Variants in EXOC4 observed in about 807,000 individuals in gnomAD.
The protein encoded by EXOC4 is SEC8-like 1.
In EXOC4, 71 loss-of-function variants were observed where a neutral mutation model predicts 107.2. The ratio of observed to expected loss-of-function variants is 0.66; its 90% confidence interval spans 0.55 to 0.81. The LOEUF (loss-of-function observed/expected upper bound fraction) is 0.81, where lower values mean the gene tolerates loss of function less well. Ranked by LOEUF, EXOC4 falls within the 30% of genes least tolerant of loss-of-function variation. The pLI is 0.00. For missense variants in EXOC4, 1,108 were observed against 1,189.6 expected, an observed-to-expected ratio of 0.93 and a Z score of 1.01; for synonymous variants, 456 against 441.2, an observed-to-expected ratio of 1.03 and a Z score of -0.42.
At chr7:133,854,745 C>T (rs1240844304) in intron 11 of EXOC4, among the ~76,000 whole-genome samples, 1 of 150,790 alleles carries the variant, frequency 6.6e-6, no homozygotes, top group Non-Finnish European at 1.5e-5. Flanking sequence ...AATAGTCCCT[C>T]TTAGCCATTT....
At chr7:133,962,661 C>T (rs1462976091) in intron 14 of EXOC4, among the ~76,000 whole-genome samples, 1 of 152,162 alleles carries the variant, frequency 6.6e-6, no homozygotes, top group African/African-American at 2.4e-5. Context: ...GCAAGTTAAA[C>T]AGATTTAAAT....
intron 4 of EXOC4, among the ~76,000 whole-genome samples, chr7:133,316,106 T>C (rs916158489): frequency 5.9e-5 from 9 of 152,234 alleles, no homozygotes; most frequent in African/African-American, 2.2e-4. Context: ...GAATTATCAC[T>C]TAACAAACTT....
chr7:133,444,928 C>G (rs1798184589), intron 7 of EXOC4, among the ~76,000 whole-genome samples: 1 of 151,996 alleles, frequency 6.6e-6, no homozygotes, highest in African/African-American at 2.4e-5. Context: ...TTTTGGAGCT[C>G]TTTTTAATCA....
intron 10 of EXOC4, among the ~76,000 whole-genome samples, chr7:133,778,352 A>C (rs747096552): frequency 2.6e-5 from 4 of 152,192 alleles, no homozygotes; most frequent in Admixed American, 1.3e-4. Context: ...CGAAGACCAG[A>C]AGAGAGACAG....
At position 133,957,797 on chromosome 7, in the gene EXOC4, T is replaced by G. The variant is rs190960757; in HGVS notation, c.2206+19728T>G. On this transcript the variant is annotated intron_variant, in intron 14 of 17. Coordinates refer to ENST00000253861, the MANE Select transcript of EXOC4 (RefSeq NM_021807.4). The stretch of plus-strand genomic sequence containing the variant: ...GCCTAGGAAACAAGAATAGTGAAAA[T>G]AGCTATTAACTCAAATTCATTAGGG... Among the ~76,000 whole-genome samples the G allele has an allele frequency of 5.9e-5, 9 of 152,292 alleles. No homozygotes were observed. In the East Asian group the frequency reaches 1.2e-3, roughly 20 times the overall value.
At chr7:133,702,796 A>G (rs1201442687) in intron 10 of EXOC4, among the ~76,000 whole-genome samples, 1 of 152,148 alleles carries the variant, frequency 6.6e-6, no homozygotes, top group Non-Finnish European at 1.5e-5. Flanking sequence ...CTTTAATTTT[A>G]TAAACTGCCA....
At chr7:133,632,076 A>G (rs1427031120) in intron 10 of EXOC4, among the ~76,000 whole-genome samples, 1 of 152,130 alleles carries the variant, frequency 6.6e-6, no homozygotes, top group African/African-American at 2.4e-5. Flanking sequence ...ACACACACAT[A>G]TATGTAAATA....
chr7:133,886,053 T>C (rs777217913), intron 11 of EXOC4, among the ~76,000 whole-genome samples: 8 of 152,056 alleles, frequency 5.3e-5, no homozygotes, highest in Non-Finnish European at 1.0e-4. Context: ...AAGCATGTCA[T>C]TGGGCCTCGT....
At chr7:133,668,548 A>G (rs1793868360) in intron 10 of EXOC4, among the ~76,000 whole-genome samples, 1 of 152,148 alleles carries the variant, frequency 6.6e-6, no homozygotes, top group South Asian at 2.1e-4. Context: ...TCCATAATGT[A>G]TTTCTAGTAT....
chr7:134,067,630 T>TACACACACACACACACAC (rs1491203303), downstream of EXOC4, among the ~76,000 whole-genome samples: 1 of 20,270 alleles, frequency 4.9e-5, no homozygotes, highest in African/African-American at 2.7e-4. Context: ...AACTCTTATA[T>TACACACACACACACACAC]ATATATATAC....
In EXOC4 at chr7:133,557,104, G is replaced by C. The variant is rs141293830; in HGVS notation, c.1418-72941G>C. Among the ~76,000 whole-genome samples, 320 of 152,250 alleles carry C rather than the reference G, an allele frequency of 2.1e-3. 2 individuals carry two copies. Among genetic ancestry groups the C allele is most frequent in the African/African-American group, 7.6e-3 (314 of 41,548 alleles). On this transcript the variant is annotated intron_variant, in intron 9 of 17. Transcript: ENST00000253861. ...TTCAGAAAACAGCAGCTAACCTAAA[G>C]TGCTTAACTGGAATGTTGGACCAAG...
chr7:133,398,452 C>G (rs572413282), intron 7 of EXOC4, among the ~76,000 whole-genome samples: 5 of 152,154 alleles, frequency 3.3e-5, no homozygotes, highest in Non-Finnish European at 7.4e-5. Flanking sequence ...ATTTCAATTC[C>G]TTTCAATCCA....
At chr7:133,457,222 A>G (rs993799948) in intron 7 of EXOC4, among the ~76,000 whole-genome samples, 1 of 152,182 alleles carries the variant, frequency 6.6e-6, no homozygotes, top group African/African-American at 2.4e-5. Flanking sequence ...TAATTTTGTG[A>G]GACACAGGAG....
intron 2 of EXOC4, 23 bp from the exon 3 acceptor site, chr7:133,288,899 A>G: frequency 6.2e-7 from 1 of 1,611,024 alleles, no homozygotes; most frequent in African/African-American, 1.3e-5. Context: ...GACTGACCCA[A>G]GACCGAATCT....
In EXOC4 at chr7:133,338,729, C is replaced by T. The variant is rs555265670; in HGVS notation, c.764-17601C>T. 1.8e-4 allele frequency among the ~76,000 whole-genome samples: 26 copies of T among 148,126 alleles called. 1 individual carries two copies. The South Asian group carries it at 2.3e-3, about 13-fold the overall frequency. On this transcript the variant is annotated intron_variant, in intron 5 of 17. Transcript: ENST00000253861. ...GGTGCACCCACAGGAGCAGTGTACACGGTACCCAATGGTGTAGTCTTTTTT... is the reference window on the plus strand; with the variant it reads ...GGTGCACCCACAGGAGCAGTGTACATGGTACCCAATGGTGTAGTCTTTTTT...
intron 7 of EXOC4, among the ~76,000 whole-genome samples, chr7:133,472,093 T>G (rs191513146): frequency 1.6e-3 from 237 of 152,294 alleles, no homozygotes; most frequent in African/African-American, 5.4e-3. Context: ...TTAAGTAATT[T>G]TGATTGCAGT....
chr7:133,493,509 C>A (rs1047012197), intron 9 of EXOC4, among the ~76,000 whole-genome samples: 2 of 152,172 alleles, frequency 1.3e-5, no homozygotes, highest in African/African-American at 4.8e-5. Context: ...TATTATTTTA[C>A]CCGTAACCTG....
intron 10 of EXOC4, among the ~76,000 whole-genome samples, chr7:133,641,499 T>C (rs1207099551): frequency 6.6e-6 from 1 of 152,180 alleles, no homozygotes; most frequent in African/African-American, 2.4e-5. Flanking sequence ...GCCTTCACTT[T>C]AGCTAGTTGA....
intron 5 of EXOC4, among the ~76,000 whole-genome samples, chr7:133,333,313 T>G (rs570202735): frequency 1.3e-5 from 2 of 152,336 alleles, no homozygotes; most frequent in Admixed American, 6.5e-5. Flanking sequence ...CTAGGTTGTT[T>G]TAACATGTCC....
Sources: gnomAD v4.1 joint callset for allele counts (sites outside exome capture counted in the v4.1 genomes callset) on GRCh38, gnomAD v4.1.1 for gene constraint, MANE v1.5 for transcripts, NCBI Gene and HGNC (gene_info 2026-07-23, HGNC 2026-07-21) for gene names.